The following FANCM variants were observed in gnomAD, a reference collection of about 807,000 sequenced individuals.
FANCM encodes Fanconi anemia group M protein.
A neutral mutation model predicts 199.5 loss-of-function variants in FANCM; 140 were observed. That is an observed-to-expected ratio of 0.70 (90% confidence interval 0.61 to 0.81). FANCM has a LOEUF of 0.81. Ranked by LOEUF, FANCM falls within the 30% of genes least tolerant of loss-of-function variation. FANCM has a pLI of 0.00. For synonymous variants in FANCM, 840 were observed against 836.8 expected (o/e 1.00, Z -0.07); for missense variants, 2,410 against 2,421.4 (o/e 1.00, Z 0.10).
intron 20 of FANCM, among the ~76,000 whole-genome samples, chr14:45,194,892 A>G (rs1889974550): frequency 6.6e-6 from 1 of 150,644 alleles, no homozygotes. Context: ...GCTCACTGCA[A>G]CTCCGCCTCC....
intron 9 of FANCM, among the ~76,000 whole-genome samples, chr14:45,163,739 G>A (rs1391548058): frequency 6.6e-6 from 1 of 152,124 alleles, no homozygotes; most frequent in Admixed American, 6.6e-5. Flanking sequence ...CCATTTCCCT[G>A]CCCTATTCCC....
chr14:45,179,046 A>G (rs1421537108), intron 14 of FANCM, among the ~76,000 whole-genome samples: 1 of 152,070 alleles, frequency 6.6e-6, no homozygotes, highest in African/African-American at 2.4e-5. Context: ...TGAAAATACA[A>G]AAATTAGCCA....
intron 11 of FANCM, among the ~76,000 whole-genome samples, chr14:45,170,131 G>C (rs1304914679): frequency 6.6e-6 from 1 of 152,206 alleles, no homozygotes; most frequent in East Asian, 1.9e-4. Context: ...GAGAGCCAAG[G>C]TACCTGGCTC....
chr14:45,140,003 T>G (rs1024448029), intron 2 of FANCM, among the ~76,000 whole-genome samples: 1 of 152,136 alleles, frequency 6.6e-6, no homozygotes, highest in Non-Finnish European at 1.5e-5. Context: ...AAAAAAATTT[T>G]TTGTGAGCTT....
chr14:45,181,495 G>A lies in FANCM; in HGVS notation c.4288G>A (p.Ala1430Thr), dbSNP rs2139270269. The change falls in exon 15 of 23, where the codon GCA becomes ACA. Residue 1430 changes from alanine (A) to threonine (T), a missense_variant. Physicochemically the swap from Ala to Thr is moderately conservative, Grantham distance 58. Transcript: ENST00000267430. ...GATTTTCCGAAGAAAAGTTAAAAGA[G>A]CAAAAGGAAATGTTTTAAACTCTCC... ...DEIFRRKVKR[A>T]KGNVLNSPED... is the part of the protein sequence containing the mutation. 1 of 1,607,342 alleles carries A rather than the reference G, an allele frequency of 6.2e-7. No homozygotes were observed. Among genetic ancestry groups the A allele is most frequent in the East Asian group, 2.2e-5 (1 of 44,712 alleles).
chr14:45,189,315 A>G lies in FANCM; in HGVS notation c.5293A>G (p.Thr1765Ala), dbSNP rs1386457912. Residue 1765 changes from threonine to alanine, a missense_variant, in exon 20 of 23, where the codon ACT (threonine) becomes GCT (alanine). By Grantham distance (58) the Thr-to-Ala change is moderately conservative. Transcript: ENST00000267430. ...EVQSTTPPFT[T>A]VDSQKDCRKF... Reference sequence around the variant, plus strand: ...CCAGTCTACCACACCACCCTTCACTACTGTTGATTCACAGAAAGACTGTAG... The same window carrying G: ...CCAGTCTACCACACCACCCTTCACTGCTGTTGATTCACAGAAAGACTGTAG... 1.2e-6 allele frequency: 2 copies of G among 1,613,942 alleles called. No individual in the cohort carries two copies. Among genetic ancestry groups the G allele is most frequent in the Admixed American group, 1.7e-5 (1 of 60,026 alleles).
At chr14:45,142,933 T>C (rs1886079559) in intron 3 of FANCM, among the ~76,000 whole-genome samples, 1 of 152,092 alleles carries the variant, frequency 6.6e-6, no homozygotes, top group Non-Finnish European at 1.5e-5. Context: ...TTTGAGACTA[T>C]GTAAATAATC....
chr14:45,193,084 C>G (rs1379631999), intron 20 of FANCM, among the ~76,000 whole-genome samples: 1 of 152,196 alleles, frequency 6.6e-6, no homozygotes, highest in Non-Finnish European at 1.5e-5. Flanking sequence ...TCACCTTGTT[C>G]CTTCCCTGTT....
At chr14:45,152,204 T>G (rs1312689774) in intron 5 of FANCM, among the ~76,000 whole-genome samples, 1 of 151,730 alleles carries the variant, frequency 6.6e-6, no homozygotes, top group South Asian at 2.1e-4. Flanking sequence ...AATTTTTGTA[T>G]TTTTTAGTAG....
chr14:45,188,386 A>G (rs571646824), intron 19 of FANCM, among the ~76,000 whole-genome samples: 4 of 151,942 alleles, frequency 2.6e-5, no homozygotes, highest in African/African-American at 9.6e-5. Flanking sequence ...ATCAAAATTC[A>G]TTTTTTTTCA....
At chr14:45,169,295 G>C (rs952420541) in intron 11 of FANCM, among the ~76,000 whole-genome samples, 1 of 151,950 alleles carries the variant, frequency 6.6e-6, no homozygotes, top group African/African-American at 2.4e-5. Flanking sequence ...TGTCAGGTCT[G>C]AAAGGGGCCT....
intron 14 of FANCM, among the ~76,000 whole-genome samples, chr14:45,180,670 A>G (rs571591500): frequency 8.5e-5 from 13 of 152,140 alleles, no homozygotes; most frequent in Admixed American, 2.6e-4. Context: ...TCCTGGGCTC[A>G]AGTGATCTGC....
rs949619907 is a variant in FANCM, at chr14:45,199,921, G to A, written c.6060G>A (p.Glu2020=). 9 of 1,606,130 alleles carry A rather than the reference G, an allele frequency of 5.6e-6. No individual in the cohort carries two copies. The African/African-American group carries it at 8.0e-5, about 14-fold the overall frequency. ...MYAQVTHQKA[E]EIYRYIHYVF... ...CACAAGTAACTCATCAGAAGGCTGA[G>A]GAGATCTATAGATATATTCACTATG... Residue 2020 remains glutamate, a synonymous_variant, in exon 23 of 23, where the codon GAG becomes GAA. Transcript: ENST00000267430.
chr14:45,197,480 T>C (rs1890125789), intron 21 of FANCM, among the ~76,000 whole-genome samples: 1 of 151,930 alleles, frequency 6.6e-6, no homozygotes, highest in Non-Finnish European at 1.5e-5. Context: ...GTTTTTTTTT[T>C]TTGAGACAGA....
intron 3 of FANCM, among the ~76,000 whole-genome samples, chr14:45,146,389 G>A (rs928813136): frequency 2.0e-5 from 3 of 151,948 alleles, no homozygotes; most frequent in Non-Finnish European, 4.4e-5. Flanking sequence ...CAAATTTGAT[G>A]TTCTGTGTGG....
intron 20 of FANCM, among the ~76,000 whole-genome samples, chr14:45,192,158 G>A (rs1250976075): frequency 4.6e-5 from 7 of 152,224 alleles, no homozygotes. Context: ...GTAGAAAGGT[G>A]GAGGGAGTAT....
At chr14:45,187,461 TAC>T (rs1469348218) in intron 18 of FANCM, among the ~76,000 whole-genome samples, 1 of 152,132 alleles carries the variant, frequency 6.6e-6, no homozygotes, top group African/African-American at 2.4e-5. Flanking sequence ...ATAAATCTGG[TAC>T]AGTTTTAAGG....
chr14:45,175,657 A>ATATTGT lies in FANCM; in HGVS notation c.2906_2911dup (p.Ile969_Val970dup). 6.2e-7 allele frequency: 1 copy of ATATTGT among 1,613,266 alleles called. No homozygotes were observed. Among genetic ancestry groups the ATATTGT allele is most frequent in the Non-Finnish European group, 8.5e-7 (1 of 1,179,366 alleles). ...TTTCTTCCATTCGAAGAAGAGCTTT[A>ATATTGT]TATTGTTAGAACAGATGACCAATTT... On this transcript the variant is annotated inframe_insertion, in exon 14 of 23. Transcript: ENST00000267430.
Position 45,198,571 on chromosome 14 carries a change from A to C in FANCM, c.5717-73A>C. ...TGGTGTAGATCTTGGGATTTTAATA[A>C]AATAAAGTATATTAATAATTCTACT... On this transcript the variant is annotated intron_variant, in intron 21 of 22. Coordinates refer to ENST00000267430, the MANE Select transcript of FANCM (RefSeq NM_020937.4). The C allele has an allele frequency of 6.2e-6, 6 of 962,248 alleles. No homozygotes were observed. The South Asian group carries it at 6.7e-5, about 11-fold the overall frequency. 59.6% of individuals were successfully genotyped at this position (962,248 alleles called of 1,614,324 possible).
Sources: allele counts gnomAD v4.1 joint callset (sites outside exome capture counted in the v4.1 genomes callset), GRCh38; gene constraint gnomAD v4.1.1; transcripts MANE v1.5; gene names NCBI Gene and HGNC (gene_info 2026-07-23, HGNC 2026-07-21).